Variants in SLC9B1 observed in about 807,000 individuals in gnomAD.
SLC9B1 encodes solute carrier family 9 member B1.
SLC9B1 carries 32 observed loss-of-function variants against 51.7 expected under a neutral mutation model. The observed-to-expected ratio is 0.62, with a 90% CI of 0.47 to 0.83. The LOEUF is 0.83. SLC9B1 is among the 40% of genes least tolerant of loss of function. SLC9B1 has a pLI of 0.00. For synonymous variants in SLC9B1, 145 were observed against 212.7 expected, an observed-to-expected ratio of 0.68 and a Z score of 2.77; for missense variants, 406 against 613.2, an observed-to-expected ratio of 0.66 and a Z score of 3.57.
intron 11 of SLC9B1, among the ~76,000 whole-genome samples, chr4:102,905,237 T>TTTATTTATTTATTTATTTA (rs1185969416): frequency 2.6e-4 from 12 of 45,754 alleles, no homozygotes; most frequent in African/African-American, 1.1e-3. Context: ...TTATTTATTT[T>TTTATTTATTTATTTATTTA]TTTGAGATGG....
chr4:102,892,196 C>G (rs1734280093), intron 11 of SLC9B1: 1 of 152,190 alleles, frequency 6.6e-6, no homozygotes, highest in Non-Finnish European at 1.5e-5. Context: ...GTAGCTGAGA[C>G]TACAGTCATG....
At chr4:103,019,553 G>C in intron 1 of SLC9B1, 46 bp downstream of exon 1, 6 of 983,790 alleles carry the variant, frequency 6.1e-6, no homozygotes, top group African/African-American at 1.7e-5. Context: ...CCCGGGACTA[G>C]CGCCAAAGGG....
chr4:102,928,076 G>C (rs528106088), intron 7 of SLC9B1, among the ~76,000 whole-genome samples: 1 of 151,894 alleles, frequency 6.6e-6, no homozygotes, highest in African/African-American at 2.4e-5. Context: ...GGGCCTGTCG[G>C]GGGGTGGAGG....
intron 1 of SLC9B1, among the ~76,000 whole-genome samples, chr4:102,999,046 G>T (rs546262007): frequency 6.6e-6 from 1 of 152,194 alleles, no homozygotes; most frequent in East Asian, 1.9e-4. Context: ...TATAGCCAGG[G>T]TCTTGCTGTG....
chr4:103,005,024 C>G (rs1740707505), intron 1 of SLC9B1, among the ~76,000 whole-genome samples: 1 of 151,980 alleles, frequency 6.6e-6, no homozygotes, highest in Non-Finnish European at 1.5e-5. Flanking sequence ...GTAGAAACTA[C>G]ACAATCAAAT....
chr4:102,959,255 C>CACAT (rs761708309), intron 3 of SLC9B1, among the ~76,000 whole-genome samples: 1 of 151,912 alleles, frequency 6.6e-6, no homozygotes, highest in African/African-American at 2.4e-5. Context: ...CACACACACA[C>CACAT]ACATACGCAA....
chr4:102,981,626 T>G (rs1739365953), intron 3 of SLC9B1, among the ~76,000 whole-genome samples: 1 of 152,204 alleles, frequency 6.6e-6, no homozygotes. Flanking sequence ...CATCTTTTCA[T>G]AAGCTTACTT....
At chr4:102,903,797 G>C (rs1360934564) in intron 11 of SLC9B1, among the ~76,000 whole-genome samples, 1 of 152,132 alleles carries the variant, frequency 6.6e-6, no homozygotes, top group Non-Finnish European at 1.5e-5. Flanking sequence ...ATTCTTGCAG[G>C]CATGCAATAC....
At chr4:102,991,734 C>G in intron 1 of SLC9B1, 22 bp from the exon 2 acceptor site, 1 of 1,487,174 alleles carries the variant, frequency 6.7e-7, no homozygotes, top group Non-Finnish European at 9.1e-7. Context: ...AAGAAAAATA[C>G]TTTAAAAGAA....
At chr4:102,929,305 A>C (rs1736335367) in intron 7 of SLC9B1, among the ~76,000 whole-genome samples, 1 of 152,156 alleles carries the variant, frequency 6.6e-6, no homozygotes, top group Non-Finnish European at 1.5e-5. Flanking sequence ...GTGGGTGTGG[A>C]GTCAGACTGC....
At chr4:103,011,985 T>C (rs1350565109) in intron 1 of SLC9B1, among the ~76,000 whole-genome samples, 2 of 152,226 alleles carry the variant, frequency 1.3e-5, no homozygotes, top group African/African-American at 2.4e-5. Flanking sequence ...TCCATACTAA[T>C]CTGCTTATCA....
chr4:103,007,870 T>C (rs1186568270), intron 1 of SLC9B1, among the ~76,000 whole-genome samples: 4 of 152,106 alleles, frequency 2.6e-5, no homozygotes, highest in African/African-American at 9.7e-5. Flanking sequence ...TCAGCTTTTA[T>C]TGGGCATAGT....
At chr4:102,993,572 T>C (rs1740062136) in intron 1 of SLC9B1, among the ~76,000 whole-genome samples, 1 of 152,172 alleles carries the variant, frequency 6.6e-6, no homozygotes. Context: ...TCTACCATTC[T>C]GGGGTCTGGA....
intron 1 of SLC9B1, among the ~76,000 whole-genome samples, chr4:103,012,174 C>T (rs908952627): frequency 6.6e-6 from 1 of 152,070 alleles, no homozygotes; most frequent in Non-Finnish European, 1.5e-5. Context: ...CATGTAGCAC[C>T]CTCAGCATTT....
intron 1 of SLC9B1, among the ~76,000 whole-genome samples, chr4:103,003,407 C>A (rs1262457816): frequency 1.3e-5 from 2 of 152,110 alleles, no homozygotes; most frequent in South Asian, 2.1e-4. Flanking sequence ...CAAACTTTTG[C>A]CCTCTTCCTT....
At chr4:103,015,670 C>T (rs1326004555) in intron 1 of SLC9B1, among the ~76,000 whole-genome samples, 29 of 152,096 alleles carry the variant, frequency 1.9e-4, no homozygotes, top group Non-Finnish European at 1.5e-5. Flanking sequence ...CCCCTTAAAC[C>T]TCCTACCCAA....
At chr4:102,981,152 T>A (rs1739337616) in intron 3 of SLC9B1, among the ~76,000 whole-genome samples, 1 of 152,176 alleles carries the variant, frequency 6.6e-6, no homozygotes. Flanking sequence ...TTAAGTTTAC[T>A]CCAAGTTGTC....
intron 3 of SLC9B1, among the ~76,000 whole-genome samples, chr4:102,981,946 C>A (rs1437561650): frequency 3.9e-5 from 6 of 151,958 alleles, no homozygotes; most frequent in African/African-American, 1.4e-4. Context: ...TGGAGTGTGC[C>A]TTTGATATTA....
intron 1 of SLC9B1, among the ~76,000 whole-genome samples, chr4:103,010,947 C>A (rs1245867853): frequency 2.0e-5 from 3 of 152,186 alleles, no homozygotes; most frequent in Non-Finnish European, 4.4e-5. Flanking sequence ...ATATAAAACA[C>A]ACTTGTTCCA....
Sources: gnomAD v4.1 joint callset for allele counts (sites outside exome capture counted in the v4.1 genomes callset) on GRCh38, gnomAD v4.1.1 for gene constraint, MANE v1.5 for transcripts, NCBI Gene and HGNC (gene_info 2026-07-23, HGNC 2026-07-21) for gene names.